Variants in BMPR2 observed in about 807,000 individuals in gnomAD.
BMPR2 encodes the protein bone morphogenetic protein receptor type-2.
A neutral mutation model predicts 100.8 loss-of-function variants in BMPR2; 29 were observed. The observed-to-expected ratio is 0.29, with a 90% CI of 0.21 to 0.39. The LOEUF is 0.39. Ranked by LOEUF, BMPR2 falls within the 10% of genes least tolerant of loss-of-function variation. The pLI, the probability that BMPR2 is intolerant of heterozygous loss-of-function variation, is 1.00. For missense variants in BMPR2, 1,011 were observed against 1,274.5 expected, an observed-to-expected ratio of 0.79 and a Z score of 3.15; for synonymous variants, 382 against 442.3, an observed-to-expected ratio of 0.86 and a Z score of 1.71.
intron 1 of BMPR2, among the ~76,000 whole-genome samples, chr2:202,414,454 C>G (rs1047591862): frequency 2.0e-5 from 3 of 152,184 alleles, no homozygotes; most frequent in Non-Finnish European, 4.4e-5. Context: ...ACGTTTTTCA[C>G]TTTAAATCAA....
At chr2:202,515,100 T>C (rs1248533555) in intron 5 of BMPR2, 121 bp downstream of exon 5, 1 of 1,076,718 alleles carries the variant, frequency 9.3e-7, no homozygotes, top group African/African-American at 1.6e-5. Context: ...TAAATTACAA[T>C]TTTTTGTCAA....
At chr2:202,410,136 C>T (rs534499972) in intron 1 of BMPR2, among the ~76,000 whole-genome samples, 1 of 152,184 alleles carries the variant, frequency 6.6e-6, no homozygotes, top group South Asian at 2.1e-4. Context: ...AGGCATCTGC[C>T]ACCACGCCTG....
intron 1 of BMPR2, among the ~76,000 whole-genome samples, chr2:202,397,800 A>T (rs996904693): frequency 1.2e-4 from 18 of 150,674 alleles, no homozygotes; most frequent in Non-Finnish European, 2.5e-4. Flanking sequence ...ATGCCTGGCC[A>T]AAAATGCTTC....
At chr2:202,402,962 G>T (rs1280445664) in intron 1 of BMPR2, among the ~76,000 whole-genome samples, 1 of 151,512 alleles carries the variant, frequency 6.6e-6, no homozygotes, top group Non-Finnish European at 1.5e-5. Flanking sequence ...CGGAGTAGAT[G>T]GGATTACAGG....
chr2:202,524,091 G>A (rs946406136), intron 7 of BMPR2, among the ~76,000 whole-genome samples: 5 of 152,068 alleles, frequency 3.3e-5, no homozygotes, highest in South Asian at 2.1e-4. Flanking sequence ...GGCCGGACGC[G>A]GTGGCTCACG....
At chr2:202,380,560 G>C (rs569542578) in intron 1 of BMPR2, among the ~76,000 whole-genome samples, 226 of 151,766 alleles carry the variant, frequency 1.5e-3, no homozygotes, top group Non-Finnish European at 2.6e-3. Context: ...CCCCCGCAAA[G>C]TCTCACTCAA....
At chr2:202,468,017 A>C (rs1258737379) in intron 3 of BMPR2, among the ~76,000 whole-genome samples, 2 of 152,144 alleles carry the variant, frequency 1.3e-5, no homozygotes, top group Admixed American at 6.6e-5. Flanking sequence ...ATTGCACTCC[A>C]GCCTGGGCAA....
intron 3 of BMPR2, among the ~76,000 whole-genome samples, chr2:202,479,330 T>C (rs187089151): frequency 3.6e-4 from 55 of 152,308 alleles, no homozygotes; most frequent in African/African-American, 1.1e-3. Flanking sequence ...AGATACTGTC[T>C]TAGTTGAGTC....
At chr2:202,411,433 AT>A (rs1389426354) in intron 1 of BMPR2, among the ~76,000 whole-genome samples, 1 of 152,258 alleles carries the variant, frequency 6.6e-6, no homozygotes, top group Admixed American at 6.5e-5. Flanking sequence ...GTGATTGCTC[AT>A]TACAAAATTA....
intron 7 of BMPR2, chr2:202,520,751 G>A (rs907002353): frequency 1.3e-5 from 2 of 156,860 alleles, no homozygotes; most frequent in South Asian, 1.9e-4. Context: ...TGCCACCCTC[G>A]AGGTTGTACG....
Position 202,542,351 on chromosome 2 carries a change from G to A in BMPR2, c.1317G>A (p.Glu439=), listed in dbSNP as rs150555588. 4 of 1,613,904 alleles carry A rather than the reference G, an allele frequency of 2.5e-6. No homozygotes were observed. Among genetic ancestry groups the A allele is most frequent in the East Asian group, 2.2e-5 (1 of 44,874 alleles). The part of the protein sequence containing the change: ...VPEYQMAFQT[E]VGNHPTFEDM... ...AGTACCAGATGGCTTTTCAGACAGA[G>A]GTTGGAAACCATCCCACTTTTGAGG... is the stretch of plus-strand genomic sequence containing the variant. Residue 439 remains glutamate (E), a synonymous_variant, in exon 10 of 13, where the codon GAG becomes GAA. Transcript: ENST00000374580.
At chr2:202,453,525 G>A (rs1692030527) in intron 1 of BMPR2, among the ~76,000 whole-genome samples, 1 of 152,082 alleles carries the variant, frequency 6.6e-6, no homozygotes, top group Non-Finnish European at 1.5e-5. Flanking sequence ...TGGATTGGAG[G>A]ACATTATGTT....
intron 1 of BMPR2, among the ~76,000 whole-genome samples, chr2:202,388,416 A>AC (rs1274881539): frequency 3.3e-5 from 5 of 150,460 alleles, no homozygotes; most frequent in African/African-American, 7.3e-5. Flanking sequence ...AAAAAAAAAA[A>AC]AAAACATTGT....
intron 1 of BMPR2, among the ~76,000 whole-genome samples, chr2:202,420,298 C>T (rs1691230739): frequency 6.6e-6 from 1 of 151,858 alleles, no homozygotes; most frequent in Non-Finnish European, 1.5e-5. Context: ...TGAGCAATTA[C>T]AAAATTAAAC....
chr2:202,487,220 G>A (rs868407122), intron 3 of BMPR2, among the ~76,000 whole-genome samples: 1 of 152,048 alleles, frequency 6.6e-6, no homozygotes, highest in African/African-American at 2.4e-5. Context: ...ATTTTCAAGA[G>A]GTTTTTTTTT....
intron 3 of BMPR2, among the ~76,000 whole-genome samples, chr2:202,476,080 TAAAAAA>T (rs56243938): frequency 5.2e-5 from 5 of 95,378 alleles, no homozygotes; most frequent in Admixed American, 1.3e-4. Context: ...GTCTCAAGGT[TAAAAAA>T]AAAAAAAAAA....
chr2:202,448,624 T>C (rs1386511917), intron 1 of BMPR2, among the ~76,000 whole-genome samples: 1 of 150,824 alleles, frequency 6.6e-6, no homozygotes, highest in African/African-American at 2.4e-5. Context: ...GCCTGGCTAA[T>C]TTTTTGTATT....
rs894470955 is a variant in BMPR2, at chr2:202,376,618, C to G, written c.-857C>G. Among the ~76,000 whole-genome samples, 2 of 143,174 alleles carry G rather than the reference C, an allele frequency of 1.4e-5. No individual in the cohort carries two copies. Among genetic ancestry groups the G allele is most frequent in the Non-Finnish European group, 3.0e-5 (2 of 65,666 alleles). 93.9% of individuals were successfully genotyped at this position (143,174 alleles called of 152,430 possible). A position where few individuals can be genotyped will look rare whatever the true frequency, so the allele number is the denominator to read the frequency against. On this transcript the variant is annotated 5_prime_UTR_variant, in exon 1 of 13. Transcript: ENST00000374580. Reference sequence around the variant, plus strand: ...CATTGACGGGAGAAGAGGAGGCTTTCTTGGTGGAATTTACCTCAGGCAAGA... The same window carrying G: ...CATTGACGGGAGAAGAGGAGGCTTTGTTGGTGGAATTTACCTCAGGCAAGA...
chr2:202,481,712 A>G (rs556331880), intron 3 of BMPR2, among the ~76,000 whole-genome samples: 1 of 152,308 alleles, frequency 6.6e-6, no homozygotes, highest in South Asian at 2.1e-4. Flanking sequence ...TCAGTGTACA[A>G]GCCTTACAGT....
Sources: allele counts gnomAD v4.1 joint callset (sites outside exome capture counted in the v4.1 genomes callset), GRCh38; gene constraint gnomAD v4.1.1; transcripts MANE v1.5; gene names NCBI Gene and HGNC (gene_info 2026-07-23, HGNC 2026-07-21).